NXPH2: variants seen among roughly 807,000 people sequenced by gnomAD.
The protein encoded by NXPH2 is neurexophilin 2, also known as neurexophilin-2.
A neutral mutation model predicts 19.8 loss-of-function variants in NXPH2; 5 were observed. That is an observed-to-expected ratio of 0.25 (90% CI 0.13 to 0.53). The LOEUF (loss-of-function observed/expected upper bound fraction) is 0.53, where lower values mean the gene tolerates loss of function less well. Among genes scored for constraint, NXPH2 ranks in the 20% least tolerant of loss-of-function variants. The pLI is 0.96. For synonymous variants in NXPH2, 154 were observed against 127.4 expected, an observed-to-expected ratio of 1.21 and a Z score of -1.41; for missense variants, 289 against 322.8, an observed-to-expected ratio of 0.90 and a Z score of 0.80.
chr2:138,746,177 C>T (rs1681730692), intron 1 of NXPH2, among the ~76,000 whole-genome samples: 1 of 152,210 alleles, frequency 6.6e-6, no homozygotes, highest in African/African-American at 2.4e-5. Flanking sequence ...GCCAAGCACA[C>T]CAAATTCTCA....
intron 1 of NXPH2, among the ~76,000 whole-genome samples, chr2:138,775,491 TGCA>T (rs1682246960): frequency 6.6e-6 from 1 of 152,134 alleles, no homozygotes; most frequent in Non-Finnish European, 1.5e-5. Flanking sequence ...TAATAAAAAA[TGCA>T]TTAGTAAATA....
intron 1 of NXPH2, among the ~76,000 whole-genome samples, chr2:138,704,112 A>C (rs1307254657): frequency 6.6e-6 from 1 of 152,220 alleles, no homozygotes; most frequent in Non-Finnish European, 1.5e-5. Context: ...CAGACCCTTG[A>C]CAATGCCTGG....
At chr2:138,683,791 T>A (rs1468922958) in intron 1 of NXPH2, among the ~76,000 whole-genome samples, 1 of 152,224 alleles carries the variant, frequency 6.6e-6, no homozygotes, top group Admixed American at 6.5e-5. Flanking sequence ...ATTTATTGGT[T>A]ACATTCTTTC....
intron 1 of NXPH2, among the ~76,000 whole-genome samples, chr2:138,736,137 G>T (rs563788484): frequency 6.6e-6 from 1 of 152,172 alleles, no homozygotes; most frequent in Admixed American, 6.5e-5. Context: ...TCATTCTGGG[G>T]TCTGGTGGAG....
Position 138,701,622 on chromosome 2 carries a change from G to A in NXPH2, c.52-29957C>T, listed in dbSNP as rs138850270. Among the ~76,000 whole-genome samples the A allele has an allele frequency of 3.9e-5, 6 of 152,312 alleles. No homozygotes were observed. In the East Asian group the frequency reaches 1.2e-3, roughly 29 times the overall value. ...GCAGATGAGGAGATTGCGGCTTGGA[G>A]GGATCAGATTCTGACTTTGAGACCC... On this transcript the variant is annotated intron_variant, in intron 1 of 1. Transcript: ENST00000272641.
chr2:138,734,962 CATCAGTCT>C (rs991281928), intron 1 of NXPH2, among the ~76,000 whole-genome samples: 13 of 152,180 alleles, frequency 8.5e-5, no homozygotes, highest in African/African-American at 3.1e-4. Context: ...ATTTAGGGGC[CATCAGTCT>C]ATAAGTAGTA....
At chr2:138,752,471 T>C (rs1487825019) in intron 1 of NXPH2, among the ~76,000 whole-genome samples, 1 of 152,174 alleles carries the variant, frequency 6.6e-6, no homozygotes, top group Admixed American at 6.5e-5. Flanking sequence ...TTAAACATAC[T>C]TTTAATGCCA....
intron 1 of NXPH2, among the ~76,000 whole-genome samples, chr2:138,705,050 C>T (rs1411442619): frequency 6.6e-6 from 1 of 152,102 alleles, no homozygotes; most frequent in Non-Finnish European, 1.5e-5. Context: ...TGGTCTCAAA[C>T]TCCTGACCTC....
chr2:138,763,755 C>T (rs914173166), intron 1 of NXPH2, among the ~76,000 whole-genome samples: 5 of 152,124 alleles, frequency 3.3e-5, no homozygotes, highest in Non-Finnish European at 7.4e-5. Flanking sequence ...AAAGGGGTTT[C>T]GAGCACACTT....
intron 1 of NXPH2, among the ~76,000 whole-genome samples, chr2:138,758,857 G>A (rs1328431738): frequency 1.3e-5 from 2 of 152,160 alleles, no homozygotes; most frequent in Non-Finnish European, 2.9e-5. Flanking sequence ...TGAAAAATGA[G>A]AGACAGCTGG....
At chr2:138,703,687 T>G (rs772880931) in intron 1 of NXPH2, among the ~76,000 whole-genome samples, 26 of 152,334 alleles carry the variant, frequency 1.7e-4, no homozygotes, top group Non-Finnish European at 3.2e-4. Flanking sequence ...ATAATGTGAC[T>G]AAATGTGAAC....
At chr2:138,678,872 G>A (rs1680527018) in intron 1 of NXPH2, among the ~76,000 whole-genome samples, 1 of 152,084 alleles carries the variant, frequency 6.6e-6, no homozygotes, top group East Asian at 1.9e-4. Context: ...CTTTAGGTGC[G>A]GCTTTCTTTG....
intron 1 of NXPH2, among the ~76,000 whole-genome samples, chr2:138,716,489 C>T (rs143308048): frequency 5.7e-4 from 87 of 152,298 alleles, no homozygotes; most frequent in African/African-American, 1.9e-3. Context: ...ACCTTGATCT[C>T]GAACTTTCCA....
chr2:138,766,720 C>T (rs531670139), intron 1 of NXPH2, among the ~76,000 whole-genome samples: 15 of 152,126 alleles, frequency 9.9e-5, no homozygotes, highest in South Asian at 4.2e-4. Flanking sequence ...TTGAAATTTA[C>T]GGAGTAATAA....
chr2:138,703,952 C>T (rs1252115397), intron 1 of NXPH2, among the ~76,000 whole-genome samples: 1 of 152,166 alleles, frequency 6.6e-6, no homozygotes. Flanking sequence ...ACAGGCTTTT[C>T]CTGCGCCACC....
chr2:138,721,794 T>C (rs1681282823), intron 1 of NXPH2, among the ~76,000 whole-genome samples: 1 of 152,234 alleles, frequency 6.6e-6, no homozygotes, highest in Non-Finnish European at 1.5e-5. Flanking sequence ...AGCTTTAAAC[T>C]TCCCCAGGCT....
chr2:138,772,826 T>C (rs1057497266), intron 1 of NXPH2, among the ~76,000 whole-genome samples: 14 of 152,190 alleles, frequency 9.2e-5, no homozygotes, highest in African/African-American at 3.4e-4. Flanking sequence ...TCAAAGTGGA[T>C]GATTCGAATT....
chr2:138,671,501 C>G lies in NXPH2; in HGVS notation c.216G>C (p.Ala72=). Residue 72 remains alanine (A), a synonymous_variant, in exon 2 of 2, where the codon GCG becomes GCC. Coordinates refer to ENST00000272641, the MANE Select transcript of NXPH2 (RefSeq NM_007226.3). ...AAAAGTTTTCCATGCTGTCTGCGTA[C>G]GCCATGGGGCCGGGCTTGGGCACCG... ...QSPVPKPGPM[A]YADSMENFWD... is the part of the protein sequence containing the mutation. 6.2e-7 allele frequency: 1 copy of G among 1,613,940 alleles called. No individual in the cohort carries two copies. The highest frequency in any genetic ancestry group is 1.1e-5 in the South Asian group (1 of 91,070).
intron 1 of NXPH2, among the ~76,000 whole-genome samples, chr2:138,743,426 A>G (rs999209810): frequency 6.6e-6 from 1 of 152,252 alleles, no homozygotes; most frequent in African/African-American, 2.4e-5. Context: ...AAGCCAGTTA[A>G]TTTAACTAAA....
Sources: allele counts gnomAD v4.1 joint callset (sites outside exome capture counted in the v4.1 genomes callset), GRCh38; gene constraint gnomAD v4.1.1; transcripts MANE v1.5; gene names NCBI Gene and HGNC (gene_info 2026-07-23, HGNC 2026-07-21).